Variants in COL27A1 observed in about 807,000 individuals in gnomAD.
COL27A1 encodes collagen type XXVII alpha 1 chain, also known as collagen alpha-1(XXVII) chain.
COL27A1 carries 106 observed loss-of-function variants against 251.3 expected under a neutral mutation model. That is an observed-to-expected ratio of 0.42 (90% CI 0.36 to 0.50). The LOEUF (loss-of-function observed/expected upper bound fraction) is 0.50. Ranked by LOEUF, COL27A1 falls within the 20% of genes least tolerant of loss-of-function variation. COL27A1 has a pLI of 0.00. For synonymous variants in COL27A1, 1,000 were observed against 986.3 expected (o/e 1.01, Z -0.26); for missense variants, 2,325 against 2,522.8 (o/e 0.92, Z 1.68).
chr9:114,291,862 G>T (rs1588883581), intron 48 of COL27A1, among the ~76,000 whole-genome samples: 1 of 152,196 alleles, frequency 6.6e-6, no homozygotes, highest in African/African-American at 2.4e-5. Context: ...GAGAGGAATT[G>T]TGGGAGAGGA....
intron 41 of COL27A1, 97 bp downstream of exon 41, chr9:114,284,874 C>A: frequency 7.5e-7 from 1 of 1,338,184 alleles, no homozygotes; most frequent in Non-Finnish European, 1.1e-6. Flanking sequence ...GTACCCATGG[C>A]TGGAGAAGCC....
In COL27A1 at chr9:114,290,415, G is replaced by C. The variant is rs979218534; in HGVS notation, c.4368+84G>C. Reference sequence around the variant, plus strand: ...CTTCCCCAGGCCATGGGCCAGAGGAGCCCGTTTGGAAACTTGGATGGGCAG... The same window carrying C: ...CTTCCCCAGGCCATGGGCCAGAGGACCCCGTTTGGAAACTTGGATGGGCAG... On this transcript the variant is annotated intron_variant, in intron 47 of 60. Transcript: ENST00000356083. The surrounding 1 kb of genome is among the most constrained non-coding windows in gnomAD (Gnocchi z 4.6). 3 of 1,265,880 alleles carry C rather than the reference G, an allele frequency of 2.4e-6. No individual in the cohort carries two copies. The highest frequency in any genetic ancestry group is 2.0e-5 in the Admixed American group (1 of 50,310). The allele number at this position is 1,265,880 out of a possible 1,614,324, so 78.4% of individuals were successfully genotyped here.
chr9:114,203,232 T>C (rs12376675), intron 7 of COL27A1, among the ~76,000 whole-genome samples: 12 of 152,330 alleles, frequency 7.9e-5, no homozygotes, highest in Admixed American at 1.3e-4. Flanking sequence ...AGAATGGTGC[T>C]GGAGCATGAA....
chr9:114,306,805 C>G, intron 58 of COL27A1, 117 bp downstream of exon 58: 1 of 1,093,676 alleles, frequency 9.1e-7, no homozygotes, highest in Non-Finnish European at 1.3e-6. Flanking sequence ...GACAGATACA[C>G]TGGCAGTCAT....
intron 24 of COL27A1, among the ~76,000 whole-genome samples, chr9:114,247,051 G>A (rs904985598): frequency 4.6e-5 from 7 of 152,116 alleles, no homozygotes; most frequent in African/African-American, 1.7e-4. Context: ...GGCTGGAAAG[G>A]CCCAGGGATC....
At chr9:114,302,039 C>T (rs1342289364) in intron 55 of COL27A1, 43 bp from the exon 56 acceptor site, 1 of 1,587,726 alleles carries the variant, frequency 6.3e-7, no homozygotes, top group Non-Finnish European at 8.6e-7. Context: ...GATTCCAGCA[C>T]ACTGTCCCTG....
At chr9:114,262,269 A>G (rs1448553606) in intron 28 of COL27A1, among the ~76,000 whole-genome samples, 1 of 152,206 alleles carries the variant, frequency 6.6e-6, no homozygotes, top group Non-Finnish European at 1.5e-5. Flanking sequence ...CCTGAGACTG[A>G]GGCCCAGAGA....
chr9:114,251,041 T>C (rs1383402080), intron 25 of COL27A1, among the ~76,000 whole-genome samples: 1 of 152,116 alleles, frequency 6.6e-6, no homozygotes, highest in Non-Finnish European at 1.5e-5. Context: ...TTAGATGAGA[T>C]AACAGAGGCT....
In COL27A1 at chr9:114,225,139, T is replaced by C. The variant is rs190080333; in HGVS notation, c.2466+2872T>C. On this transcript the variant is annotated intron_variant, in intron 14 of 60. Coordinates refer to ENST00000356083, the MANE Select transcript of COL27A1 (RefSeq NM_032888.4). ...TTAATTGTCCAGTCTGGCAACGCTA[T>C]TTGCAGTGTCTCTTAGGAGAAACCC... is the stretch of plus-strand genomic sequence containing the variant. Among the ~76,000 whole-genome samples, 1,008 of 148,130 alleles carry C rather than the reference T, an allele frequency of 6.8e-3. 9 individuals carry two copies. Among genetic ancestry groups the C allele is most frequent in the Non-Finnish European group, 0.011 (706 of 64,932 alleles).
In COL27A1 at chr9:114,156,594, C is replaced by T. The variant is rs150992679; in HGVS notation, c.62+582C>T. Among the ~76,000 whole-genome samples, 415 of 152,126 alleles carry T rather than the reference C, an allele frequency of 2.7e-3. 1 individual carries two copies. Among genetic ancestry groups the T allele is most frequent in the African/African-American group, 9.1e-3 (379 of 41,500 alleles). ...CTGTGTGTCTGTGTTTCCTGCTTCT[C>T]GGTTCCTGTCCCTTTCACGTGTGTA... is the stretch of plus-strand genomic sequence containing the variant. On this transcript the variant is annotated intron_variant, in intron 1 of 60. Coordinates refer to ENST00000356083, the MANE Select transcript of COL27A1 (RefSeq NM_032888.4).
intron 18 of COL27A1, 99 bp downstream of exon 18, chr9:114,237,133 C>G: frequency 8.3e-7 from 1 of 1,205,656 alleles, no homozygotes. Flanking sequence ...TCATTTCCTC[C>G]TGCAGCAGAG....
At position 114,289,999 on chromosome 9, in the gene COL27A1, C is replaced by T. The variant is rs1263378252; in HGVS notation, c.4207-59C>T. Reference sequence around the variant, plus strand: ...ATCCTCTCAGTCCCTCCTTCCAGAGCCCCTAGGGTCCCACACCTCTACCAG... The same window carrying T: ...ATCCTCTCAGTCCCTCCTTCCAGAGTCCCTAGGGTCCCACACCTCTACCAG... On this transcript the variant is annotated intron_variant, in intron 45 of 60. Transcript: ENST00000356083. 9 of 1,570,680 alleles carry T rather than the reference C, an allele frequency of 5.7e-6. No individual in the cohort carries two copies. The East Asian group carries it at 1.1e-4, about 20-fold the overall frequency.
intron 5 of COL27A1, among the ~76,000 whole-genome samples, chr9:114,192,341 C>A (rs1334187762): frequency 6.6e-6 from 1 of 152,172 alleles, no homozygotes; most frequent in African/African-American, 2.4e-5. Context: ...TCCTCGGTAG[C>A]CCTAGGTCTG....
intron 51 of COL27A1, 23 bp downstream of exon 51, chr9:114,300,710 G>A: frequency 6.7e-7 from 1 of 1,487,880 alleles, no homozygotes; most frequent in Non-Finnish European, 8.9e-7. Context: ...CCTGCTGTCG[G>A]AGCAGAGATG....
At position 114,205,111 on chromosome 9, in the gene COL27A1, G is replaced by A. The variant is rs776282688; in HGVS notation, c.2134G>A (p.Gly712Ser). 2 of 1,613,578 alleles carry A rather than the reference G, an allele frequency of 1.2e-6. No individual in the cohort carries two copies. Among genetic ancestry groups the A allele is most frequent in the Non-Finnish European group, 1.7e-6 (2 of 1,179,996 alleles). ...CTTCCCCCTCCAACAGGGACACAAG[G>A]GCTATCCTGGACCGGCAGGGCACCC... ...PGPPGRKGHK[G>S]YPGPAGHPGE... Residue 712 changes from glycine to serine, a missense_variant, in exon 8 of 61, where the codon GGC (glycine) becomes AGC (serine). Physicochemically the swap from Gly to Ser is moderately conservative, Grantham distance 56 (BLOSUM62 0). Around this residue, in one of 4 missense-constraint regions of COL27A1, gnomAD observed 1,183 missense variants for 1,144.1 expected, o/e 1.03. Transcript: ENST00000356083.
chr9:114,183,100 C>T (rs780612573), intron 5 of COL27A1, 25 bp downstream of exon 5: 7 of 1,607,578 alleles, frequency 4.4e-6, no homozygotes, highest in Non-Finnish European at 6.0e-6. Context: ...GAGATGTGGC[C>T]ATGGAGTGGG....
rs770501261 is a variant in COL27A1 at position 114,289,239 on chromosome 9, CA to C, written c.4153-2del. The C allele has an allele frequency of 6.3e-7, 1 of 1,585,172 alleles. No individual in the cohort carries two copies. Among genetic ancestry groups the C allele is most frequent in the African/African-American group, 1.3e-5 (1 of 74,360 alleles). On this transcript the variant is annotated splice_acceptor_variant, in intron 44 of 60. Coordinates refer to ENST00000356083, the MANE Select transcript of COL27A1 (RefSeq NM_032888.4). LOFTEE classifies it high-confidence loss of function. ...CCTTGCGTCATCTCACCTTGGTTTGCAGGGGCATCCGGGACCCCGGGGGTGG... is the reference window on the plus strand; with the variant it reads ...CCTTGCGTCATCTCACCTTGGTTTGCGGGGCATCCGGGACCCCGGGGGTGG...
intron 15 of COL27A1, 102 bp from the exon 16 acceptor site, chr9:114,231,720 G>A: frequency 8.7e-7 from 1 of 1,155,362 alleles, no homozygotes; most frequent in South Asian, 1.3e-5. Flanking sequence ...TGAGGTTGGG[G>A]GATCTAGCAC....
At chr9:114,200,723 C>T (rs1829505817) in intron 7 of COL27A1, among the ~76,000 whole-genome samples, 6 of 152,204 alleles carry the variant, frequency 3.9e-5, no homozygotes, top group Admixed American at 3.9e-4. Flanking sequence ...GGCACCTTGT[C>T]CAGCATCACA....
Sources: allele counts gnomAD v4.1 joint callset (sites outside exome capture counted in the v4.1 genomes callset), GRCh38; gene constraint gnomAD v4.1.1; regional missense constraint gnomAD v4.1.1; non-coding constraint Gnocchi (gnomAD v3.1); transcripts MANE v1.5; gene names NCBI Gene and HGNC (gene_info 2026-07-23, HGNC 2026-07-21).